ZBTB20: variants seen among roughly 807,000 people sequenced by gnomAD.
The protein encoded by ZBTB20 is zinc finger and BTB domain containing 20, also known as zinc finger and BTB domain-containing protein 20.
Under a neutral mutation model 56.9 loss-of-function variants are expected in ZBTB20, and 9 were observed. The ratio of observed to expected loss-of-function variants is 0.16; its 90% CI spans 0.10 to 0.28. The LOEUF is 0.28. ZBTB20 is among the 10% of genes least tolerant of loss of function. The probability of loss-of-function intolerance (pLI) is 1.00; values close to 1 mark genes in which losing one functional copy is unlikely to be tolerated. For synonymous variants in ZBTB20, 417 were observed against 420.7 expected, an observed-to-expected ratio of 0.99 and a Z score of 0.11; for missense variants, 655 against 1,003.0, an observed-to-expected ratio of 0.65 and a Z score of 4.69.
intron 3 of ZBTB20, among the ~76,000 whole-genome samples, chr3:114,918,382 C>T (rs2075828778): frequency 6.6e-6 from 1 of 152,024 alleles, no homozygotes; most frequent in African/African-American, 2.4e-5. Flanking sequence ...ATCTAAGCTG[C>T]AAGACAAAGT....
At chr3:114,989,263 T>C (rs1379746640) in intron 2 of ZBTB20, among the ~76,000 whole-genome samples, 4 of 152,234 alleles carry the variant, frequency 2.6e-5, no homozygotes, top group Non-Finnish European at 4.4e-5. Context: ...TAATCCATCT[T>C]GAATTAATTT....
At chr3:115,064,115 A>G (rs981510223) in intron 2 of ZBTB20, among the ~76,000 whole-genome samples, 5 of 152,160 alleles carry the variant, frequency 3.3e-5, no homozygotes, top group African/African-American at 1.2e-4. Context: ...TCCCCTGAAG[A>G]CATCCCTTTC....
chr3:114,801,315 T>C (rs915720007), intron 4 of ZBTB20, 141 bp from the exon 5 acceptor site: 1 of 149,446 alleles, frequency 6.7e-6, no homozygotes, highest in African/African-American at 2.4e-5. Context: ...CTTTTTTTTT[T>C]TTTTTTCTGT....
rs138589372 is a variant in ZBTB20 at position 114,678,569 on chromosome 3, C to T, written c.-295+14959G>A. Among the ~76,000 whole-genome samples, 98 of 152,188 alleles carry T rather than the reference C, an allele frequency of 6.4e-4. No homozygotes were observed. The Middle Eastern group carries it at 0.01, about 16-fold the overall frequency. On this transcript the variant is annotated intron_variant, in intron 6 of 11. Transcript: ENST00000675478. The stretch of plus-strand genomic sequence containing the variant: ...TCAAAGTCAGTAGTTTTCATGTATA[C>T]GTCGCAGAATCACTGCATCTTATGT...
chr3:114,659,393 A>G (rs1302782268), intron 6 of ZBTB20, among the ~76,000 whole-genome samples: 2 of 152,232 alleles, frequency 1.3e-5, no homozygotes, highest in African/African-American at 4.8e-5. Flanking sequence ...TTATTCAGCA[A>G]CAGCTTGAAG....
At chr3:114,551,981 G>C (rs183097357) in intron 6 of ZBTB20, among the ~76,000 whole-genome samples, 8 of 152,340 alleles carry the variant, frequency 5.3e-5, no homozygotes, top group Admixed American at 1.3e-4. Context: ...AAGCCCATGT[G>C]GGGGGATCAC....
At chr3:114,534,798 C>A (rs1225150803) in intron 6 of ZBTB20, among the ~76,000 whole-genome samples, 2 of 152,176 alleles carry the variant, frequency 1.3e-5, no homozygotes, top group Non-Finnish European at 2.9e-5. Context: ...GTCTCTCAGA[C>A]CACAGTGCAA....
intron 1 of ZBTB20, among the ~76,000 whole-genome samples, chr3:115,118,353 G>C (rs1295217454): frequency 2.6e-5 from 4 of 152,074 alleles, no homozygotes; most frequent in African/African-American, 9.7e-5. Context: ...GTGTGCTACT[G>C]TTCCTGGTTT....
At chr3:114,987,073 C>T (rs1480671360) in intron 2 of ZBTB20, among the ~76,000 whole-genome samples, 3 of 151,868 alleles carry the variant, frequency 2.0e-5, no homozygotes, top group Non-Finnish European at 2.9e-5. Context: ...GTAAAGTTTA[C>T]CATTAAATTA....
chr3:114,982,317 A>G (rs1439495026), intron 2 of ZBTB20, among the ~76,000 whole-genome samples: 1 of 152,050 alleles, frequency 6.6e-6, no homozygotes, highest in Non-Finnish European at 1.5e-5. Flanking sequence ...AATCATTTCT[A>G]TGAAATAACA....
chr3:114,421,423 C>T (rs561137202), intron 7 of ZBTB20, among the ~76,000 whole-genome samples: 13 of 152,314 alleles, frequency 8.5e-5, no homozygotes, highest in Middle Eastern at 3.4e-3. Flanking sequence ...TTGATTTGAA[C>T]TTTCCACTTA....
chr3:114,848,209 A>C (rs2074813581), intron 4 of ZBTB20, among the ~76,000 whole-genome samples: 1 of 152,152 alleles, frequency 6.6e-6, no homozygotes, highest in Admixed American at 6.5e-5. Context: ...TGATGCCTCC[A>C]TGCCACCACC....
intron 5 of ZBTB20, among the ~76,000 whole-genome samples, chr3:114,766,172 T>C (rs537881958): frequency 6.6e-6 from 1 of 151,868 alleles, no homozygotes; most frequent in South Asian, 2.1e-4. Context: ...GTATGAAGAA[T>C]GGAGAAACAT....
At chr3:114,638,170 T>C (rs1409599776) in intron 6 of ZBTB20, among the ~76,000 whole-genome samples, 1 of 152,114 alleles carries the variant, frequency 6.6e-6, no homozygotes, top group Admixed American at 6.6e-5. Flanking sequence ...TATGTGGCAA[T>C]CCACTTGAGA....
chr3:114,459,580 G>C (rs970474840), intron 7 of ZBTB20, among the ~76,000 whole-genome samples: 18 of 152,048 alleles, frequency 1.2e-4, no homozygotes, highest in Non-Finnish European at 2.5e-4. Context: ...CATGGTGGTA[G>C]ATGATCTCCC....
At chr3:114,838,334 T>C (rs761048553) in intron 4 of ZBTB20, among the ~76,000 whole-genome samples, 2 of 152,206 alleles carry the variant, frequency 1.3e-5, no homozygotes, top group Non-Finnish European at 2.9e-5. Context: ...CCTAATTATA[T>C]TAGCTTAAAT....
intron 5 of ZBTB20, among the ~76,000 whole-genome samples, chr3:114,755,331 C>T (rs1310691619): frequency 6.6e-6 from 1 of 152,076 alleles, no homozygotes; most frequent in African/African-American, 2.4e-5. Flanking sequence ...CAAGGGAGGA[C>T]ATAAGGGCGA....
chr3:114,362,886 T>A (rs762694557), intron 10 of ZBTB20, among the ~76,000 whole-genome samples: 7 of 152,232 alleles, frequency 4.6e-5, no homozygotes, highest in Non-Finnish European at 4.4e-5. Flanking sequence ...GTAACAGATG[T>A]TACAGAAATA....
At chr3:114,739,052 G>A (rs2066388276) in intron 5 of ZBTB20, among the ~76,000 whole-genome samples, 1 of 152,148 alleles carries the variant, frequency 6.6e-6, no homozygotes, top group Non-Finnish European at 1.5e-5. Flanking sequence ...TTACAGGTGT[G>A]AGCCATCATG....
Sources: gnomAD v4.1 joint callset for allele counts (sites outside exome capture counted in the v4.1 genomes callset) on GRCh38, gnomAD v4.1.1 for gene constraint, MANE v1.5 for transcripts, NCBI Gene and HGNC (gene_info 2026-07-23, HGNC 2026-07-21) for gene names.